The following CARMIL1 variants were observed in gnomAD, a reference collection of about 807,000 sequenced individuals.
CARMIL1 encodes the protein F-actin-uncapping protein LRRC16A.
Under a neutral mutation model 177.1 loss-of-function variants are expected in CARMIL1, and 90 were observed. That is an observed-to-expected ratio of 0.51 (90% CI 0.43 to 0.61). The LOEUF is 0.61. Among genes scored for constraint, CARMIL1 ranks in the 20% least tolerant of loss-of-function variants. The pLI is 0.00. For missense variants in CARMIL1, 1,380 were observed against 1,667.0 expected (o/e 0.83, Z 3.00); for synonymous variants, 577 against 606.2 (o/e 0.95, Z 0.71).
intron 2 of CARMIL1, among the ~76,000 whole-genome samples, chr6:25,390,997 C>A (rs925689192): frequency 6.6e-6 from 1 of 152,228 alleles, no homozygotes; most frequent in Non-Finnish European, 1.5e-5. Flanking sequence ...CCACTGTGCC[C>A]AGCCACTTTG....
chr6:25,440,953 T>C (rs760249949), intron 5 of CARMIL1, among the ~76,000 whole-genome samples: 17 of 152,056 alleles, frequency 1.1e-4, no homozygotes, highest in Non-Finnish European at 2.4e-4. Flanking sequence ...CAGGAGGAGT[T>C]AGATCCTGGA....
intron 1 of CARMIL1, among the ~76,000 whole-genome samples, chr6:25,281,944 G>C (rs926358305): frequency 6.6e-6 from 1 of 151,816 alleles, no homozygotes; most frequent in Non-Finnish European, 1.5e-5. Flanking sequence ...AAGAAACCCG[G>C]TCTCTACTAA....
chr6:25,576,468 G>T (rs1349924636), intron 29 of CARMIL1, among the ~76,000 whole-genome samples: 2 of 152,206 alleles, frequency 1.3e-5, no homozygotes, highest in Non-Finnish European at 2.9e-5. Context: ...TGCAGTGGGA[G>T]CACAGAGTGA....
intron 11 of CARMIL1, among the ~76,000 whole-genome samples, chr6:25,481,069 C>T (rs1473487911): frequency 6.6e-6 from 1 of 151,626 alleles, no homozygotes; most frequent in East Asian, 1.9e-4. Context: ...ATTCTGTCTT[C>T]CCCCCTTTCC....
chr6:25,377,224 A>C (rs1280500221), intron 2 of CARMIL1, among the ~76,000 whole-genome samples: 1 of 152,200 alleles, frequency 6.6e-6, no homozygotes, highest in Non-Finnish European at 1.5e-5. Flanking sequence ...CACCTTCTCC[A>C]AGACCCTTCA....
At chr6:25,355,973 C>T (rs1170625391) in intron 2 of CARMIL1, among the ~76,000 whole-genome samples, 1 of 152,006 alleles carries the variant, frequency 6.6e-6, no homozygotes, top group Non-Finnish European at 1.5e-5. Context: ...GCTACTTACA[C>T]TCCTCCTGCA....
At chr6:25,466,157 T>A (rs892872803) in intron 9 of CARMIL1, among the ~76,000 whole-genome samples, 1 of 152,210 alleles carries the variant, frequency 6.6e-6, no homozygotes, top group Non-Finnish European at 1.5e-5. Context: ...TGTATTCAGC[T>A]GTTTCGGGCA....
At chr6:25,550,576 G>A (rs1183802970) in intron 26 of CARMIL1, among the ~76,000 whole-genome samples, 5 of 152,108 alleles carry the variant, frequency 3.3e-5, no homozygotes, top group African/African-American at 9.7e-5. Context: ...TTGTGGTAAG[G>A]GGGTGTATAA....
At chr6:25,591,902 G>C (rs1474769548) in intron 31 of CARMIL1, among the ~76,000 whole-genome samples, 1 of 152,174 alleles carries the variant, frequency 6.6e-6, no homozygotes, top group Non-Finnish European at 1.5e-5. Context: ...GTTTTGTTCA[G>C]CTCTGTGCCT....
intron 2 of CARMIL1, among the ~76,000 whole-genome samples, chr6:25,352,660 G>A (rs11965829): frequency 0.059 from 8,945 of 152,036 alleles, 584 homozygotes; most frequent in African/African-American, 0.16. Context: ...AAGACACTAC[G>A]GGTGTCATTC....
chr6:25,516,517 A>G (rs301377), intron 21 of CARMIL1, among the ~76,000 whole-genome samples: 33,436 of 152,148 alleles, frequency 0.22, 4,222 homozygotes, highest in African/African-American at 0.34. Flanking sequence ...ATTCTCCGGC[A>G]TAAAAGTCTA....
intron 31 of CARMIL1, among the ~76,000 whole-genome samples, chr6:25,590,548 A>G (rs1159788889): frequency 3.9e-5 from 6 of 152,150 alleles, no homozygotes; most frequent in Non-Finnish European, 8.8e-5. Context: ...CAGTTTACAT[A>G]TAATAGAGAT....
intron 36 of CARMIL1, among the ~76,000 whole-genome samples, chr6:25,613,720 A>T (rs867842479): frequency 6.6e-6 from 1 of 152,354 alleles, no homozygotes; most frequent in Middle Eastern, 3.4e-3. Context: ...GTTAAAGGAA[A>T]TCTTAGTATC....
In CARMIL1 at chr6:25,510,750, A is replaced by G; in HGVS notation, c.1620A>G (p.Gln540=). Reference sequence around the variant, plus strand: ...TGGACAACTTAGTACAGATGATTCAAGATGAAGAATCAGTGAGTATTATGT... The same window carrying G: ...TGGACAACTTAGTACAGATGATTCAGGATGAAGAATCAGTGAGTATTATGT... The part of the protein sequence containing the change: ...PVLDNLVQMI[Q]DEESPLQSLS... The change falls in exon 20 of 37, where the codon CAA becomes CAG. Residue 540 remains glutamine, a synonymous_variant. Coordinates refer to ENST00000329474, the MANE Select transcript of CARMIL1 (RefSeq NM_017640.6). 6.5e-7 allele frequency: 1 copy of G among 1,538,322 alleles called. No homozygotes were observed. Among genetic ancestry groups the G allele is most frequent in the East Asian group, 2.4e-5 (1 of 41,312 alleles).
chr6:25,350,605 A>G (rs1788016288), intron 2 of CARMIL1: 1 of 152,202 alleles, frequency 6.6e-6, no homozygotes, highest in African/African-American at 2.4e-5. Context: ...GAGAAGCCCC[A>G]GTAGTTTCCT....
chr6:25,394,431 C>G lies in CARMIL1; in HGVS notation c.139-25683C>G, dbSNP rs149628570. On this transcript the variant is annotated intron_variant, in intron 2 of 36. Transcript: ENST00000329474. ...TTACACAGTTCCTGAGGGGCTAAGT[C>G]AGAAATCTGGTAAACACTTGAGTAA... Among the ~76,000 whole-genome samples the G allele has an allele frequency of 1.1e-3, 171 of 152,296 alleles. 1 individual carries two copies. The highest frequency in any genetic ancestry group is 3.9e-3 in the African/African-American group (162 of 41,568).
At position 25,515,542 on chromosome 6, in the gene CARMIL1, T is replaced by C; in HGVS notation, c.1633-133T>C. On this transcript the variant is annotated intron_variant, in intron 20 of 36. Transcript: ENST00000329474. The surrounding 1 kb of genome is among the most constrained non-coding windows in gnomAD (Gnocchi z 5.0). The stretch of plus-strand genomic sequence containing the variant: ...AACCTTAAGTTTCTATCCACGAGTG[T>C]CTTTTAGGTAGTAGTTCTAAAATCA... 1 of 740,178 alleles carries C rather than the reference T, an allele frequency of 1.4e-6. No homozygotes were observed. The highest frequency in any genetic ancestry group is 2.0e-6 in the Non-Finnish European group (1 of 490,764). 45.9% of individuals were successfully genotyped at this position (740,178 alleles called of 1,614,324 possible).
intron 31 of CARMIL1, among the ~76,000 whole-genome samples, chr6:25,588,177 A>G (rs1240245672): frequency 6.6e-6 from 1 of 152,184 alleles, no homozygotes; most frequent in East Asian, 1.9e-4. Flanking sequence ...TTGAGCATCT[A>G]TGGATTTTTG....
intron 32 of CARMIL1, among the ~76,000 whole-genome samples, chr6:25,596,850 G>GACACACACACACACACAC (rs34651019): frequency 6.7e-6 from 1 of 149,056 alleles, no homozygotes; most frequent in African/African-American, 2.5e-5. Flanking sequence ...CAAACACACA[G>GACACACACACACACACAC]ACACACACAC....
Sources: gnomAD v4.1 joint callset for allele counts (sites outside exome capture counted in the v4.1 genomes callset) on GRCh38, gnomAD v4.1.1 for gene constraint, Gnocchi (gnomAD v3.1) non-coding constraint, MANE v1.5 for transcripts, NCBI Gene and HGNC (gene_info 2026-07-23, HGNC 2026-07-21) for gene names.